Variants in IL1RAPL1 observed in about 807,000 individuals in gnomAD.
The protein encoded by IL1RAPL1 is interleukin 1 receptor accessory protein like 1.
IL1RAPL1 carries 3 observed loss-of-function variants against 48.4 expected under a neutral mutation model. That is an observed-to-expected ratio of 0.06 (90% CI 0.03 to 0.16). The LOEUF is 0.16. Ranked by LOEUF, IL1RAPL1 falls within the 10% of genes least tolerant of loss-of-function variation. The pLI, the probability that IL1RAPL1 is intolerant of heterozygous loss-of-function variation, is 1.00. For synonymous variants in IL1RAPL1, 185 were observed against 187.7 expected, an observed-to-expected ratio of 0.99 and a Z score of 0.12; for missense variants, 349 against 530.6, an observed-to-expected ratio of 0.66 and a Z score of 3.36.
intron 1 of IL1RAPL1, among the ~76,000 whole-genome samples, chrX:28,665,641 C>T (rs981872484): frequency 1.5e-4 from 17 of 110,421 alleles, no homozygotes; most frequent in Non-Finnish European, 2.5e-4. Context: ...CAGGCATGCA[C>T]CACCATGCCT....
At position 29,436,736 on chromosome X, in the gene IL1RAPL1, C is replaced by A. The variant is rs1216842797; in HGVS notation, c.703+37428C>A. Reference sequence around the variant, plus strand: ...ATGAAATAAAAATTTTATGAAGTGACTGAAGGCAAAGTCAAAAATAAAGAG... The same window carrying A: ...ATGAAATAAAAATTTTATGAAGTGAATGAAGGCAAAGTCAAAAATAAAGAG... On this transcript the variant is annotated intron_variant, in intron 5 of 10. Transcript: ENST00000378993. Among the ~76,000 whole-genome samples, 2 of 110,136 alleles carry A rather than the reference C, an allele frequency of 1.8e-5. 1 individual carries two copies. The highest frequency in any genetic ancestry group is 1.9e-4 in the Admixed American group (2 of 10,312).
chrX:28,606,720 T>C (rs762061730), intron 1 of IL1RAPL1, among the ~76,000 whole-genome samples: 1 of 111,808 alleles, frequency 8.9e-6, no homozygotes, highest in East Asian at 2.8e-4. Context: ...AATAAGATGA[T>C]TTATAAGATT....
At chrX:29,681,407 T>G (rs965900742) in intron 6 of IL1RAPL1, among the ~76,000 whole-genome samples, 1 of 112,145 alleles carries the variant, frequency 8.9e-6, no homozygotes, top group Non-Finnish European at 1.9e-5. Context: ...AGCAGCATAG[T>G]TAATTATGAA....
intron 6 of IL1RAPL1, among the ~76,000 whole-genome samples, chrX:29,850,347 T>C (rs1461137468): frequency 8.9e-6 from 1 of 112,080 alleles, no homozygotes; most frequent in Non-Finnish European, 1.9e-5. Flanking sequence ...CCTCTGGAGA[T>C]GTTTCCAGGT....
At chrX:28,923,227 A>G (rs1923656694) in intron 2 of IL1RAPL1, among the ~76,000 whole-genome samples, 1 of 109,167 alleles carries the variant, frequency 9.2e-6, no homozygotes, top group Non-Finnish European at 1.9e-5. Flanking sequence ...CCCAGGCTGG[A>G]GTGCGATGGT....
At chrX:29,802,376 T>C (rs1321553449) in intron 6 of IL1RAPL1, among the ~76,000 whole-genome samples, 1 of 111,267 alleles carries the variant, frequency 9.0e-6, no homozygotes, top group African/African-American at 3.3e-5. Flanking sequence ...TCTCAAATTA[T>C]CTGAGGTGGC....
chrX:29,054,493 T>C (rs1379949875), intron 2 of IL1RAPL1, among the ~76,000 whole-genome samples: 1 of 111,616 alleles, frequency 9.0e-6, no homozygotes, highest in Admixed American at 9.5e-5. Flanking sequence ...CATTTAAAGA[T>C]TTTATTTGAG....
At chrX:29,235,844 A>T (rs7883078) in intron 2 of IL1RAPL1, among the ~76,000 whole-genome samples, 31,419 of 111,292 alleles carry the variant, frequency 0.28, 6,030 homozygotes, top group African/African-American at 0.69. Context: ...ACTGATGTTG[A>T]TGTTAAAACT....
At position 29,917,239 on chromosome X, in the gene IL1RAPL1, C is replaced by T. The variant is rs144707622; in HGVS notation, c.779-225C>T. Reference sequence around the variant, plus strand: ...TGTTCTGTACAATAGCCGACCAGTCCTCTTGGAAATTTTACAAGTAACTCA... The same window carrying T: ...TGTTCTGTACAATAGCCGACCAGTCTTCTTGGAAATTTTACAAGTAACTCA... On this transcript the variant is annotated intron_variant, in intron 6 of 10. Transcript: ENST00000378993. Among the ~76,000 whole-genome samples, 2,100 of 112,277 alleles carry T rather than the reference C, an allele frequency of 0.019. 16 individuals are homozygous for T. Among genetic ancestry groups the T allele is most frequent in the Middle Eastern group, 0.027 (6 of 219 alleles).
intron 5 of IL1RAPL1, among the ~76,000 whole-genome samples, chrX:29,401,427 A>G (rs1454537788): frequency 9.0e-6 from 1 of 111,491 alleles, no homozygotes; most frequent in African/African-American, 3.3e-5. Flanking sequence ...ATATTTATGT[A>G]TAACATTGTT....
intron 1 of IL1RAPL1, among the ~76,000 whole-genome samples, chrX:28,679,402 GTTTTGT>G (rs936442641): frequency 9.0e-6 from 1 of 111,092 alleles, no homozygotes; most frequent in African/African-American, 3.3e-5. Flanking sequence ...CACTTCGTAA[GTTTTGT>G]TTTTGTTTTT....
intron 6 of IL1RAPL1, among the ~76,000 whole-genome samples, chrX:29,799,056 G>A (rs1031488460): frequency 2.7e-5 from 3 of 111,891 alleles, no homozygotes; most frequent in Non-Finnish European, 5.6e-5. Context: ...GAAGGAGAAT[G>A]TTTATTTTCA....
chrX:29,628,614 G>A (rs772068126), intron 5 of IL1RAPL1, among the ~76,000 whole-genome samples: 1 of 111,722 alleles, frequency 9.0e-6, no homozygotes, highest in Non-Finnish European at 1.9e-5. Context: ...TGATACCCAG[G>A]CAGAATTATT....
chrX:28,704,822 ACACACAC>A (rs1935349154), intron 1 of IL1RAPL1, among the ~76,000 whole-genome samples: 1 of 58,586 alleles, frequency 1.7e-5, no homozygotes, highest in African/African-American at 6.2e-5. Flanking sequence ...ACACACACAC[ACACACAC>A]ACAAAAAAAA....
chrX:28,988,237 TA>T (rs1925522857), intron 2 of IL1RAPL1, among the ~76,000 whole-genome samples: 1 of 112,061 alleles, frequency 8.9e-6, no homozygotes, highest in African/African-American at 3.2e-5. Context: ...GCTTTTGTTT[TA>T]TTTGTTACAC....
chrX:29,719,743 C>CAAAAAAAAAAAAAAAAAA (rs372308075), intron 6 of IL1RAPL1, among the ~76,000 whole-genome samples: 1 of 21,896 alleles, frequency 4.6e-5, no homozygotes, highest in Non-Finnish European at 1.1e-4. Context: ...GAAAGATGAG[C>CAAAAAAAAAAAAAAAAAA]AAAAAAAAAA....
chrX:29,279,647 CA>C lies in IL1RAPL1; in HGVS notation c.83-3288del, dbSNP rs1466615637. On this transcript the variant is annotated intron_variant, in intron 2 of 10. Transcript: ENST00000378993. ...AACACCAAGTGTCTCTAATGTCGTC[CA>C]AAGTGCCATTTCTTCATTTTGCCTC... Among the ~76,000 whole-genome samples, 6 of 111,371 alleles carry C rather than the reference CA, an allele frequency of 5.4e-5. 1 individual carries two copies. The East Asian group carries it at 1.1e-3, about 21-fold the overall frequency.
intron 5 of IL1RAPL1, among the ~76,000 whole-genome samples, chrX:29,444,965 A>T (rs1455065966): frequency 8.9e-6 from 1 of 112,153 alleles, no homozygotes; most frequent in Non-Finnish European, 1.9e-5. Context: ...ATGAACATTA[A>T]TTGGGGTCAG....
intron 1 of IL1RAPL1, among the ~76,000 whole-genome samples, chrX:28,648,100 G>A (rs780629979): frequency 6.3e-5 from 7 of 111,210 alleles, no homozygotes; most frequent in Non-Finnish European, 1.1e-4. Flanking sequence ...CTTTCCTTGA[G>A]TAAACCAGGC....
Sources: allele counts gnomAD v4.1 joint callset (sites outside exome capture counted in the v4.1 genomes callset), GRCh38; gene constraint gnomAD v4.1.1; transcripts MANE v1.5; gene names NCBI Gene and HGNC (gene_info 2026-07-23, HGNC 2026-07-21).